Variants in ICE1 observed in about 807,000 individuals in gnomAD.
ICE1 encodes interactor of little elongation complex ELL subunit 1.
In ICE1, 64 loss-of-function variants were observed where a neutral mutation model predicts 192.7. That is an observed-to-expected ratio of 0.33 (90% confidence interval 0.27 to 0.41). The LOEUF (loss-of-function observed/expected upper bound fraction) is 0.41, where lower values mean the gene tolerates loss of function less well. Ranked by LOEUF, ICE1 falls within the 10% of genes least tolerant of loss-of-function variation. ICE1 has a pLI of 1.00. For missense variants in ICE1, 2,708 were observed against 2,696.0 expected, an observed-to-expected ratio of 1.00 and a Z score of -0.10; for synonymous variants, 1,010 against 984.5, an observed-to-expected ratio of 1.03 and a Z score of -0.49.
At chr5:5,466,304 A>C (rs1478930170) in intron 13 of ICE1, 30 bp from the exon 14 acceptor site, 6 of 1,571,254 alleles carry the variant, frequency 3.8e-6, no homozygotes, top group South Asian at 1.2e-5. Context: ...ATGAGTGTAC[A>C]TTGCCTTTTT....
chr5:5,444,103 T>C (rs188403183), intron 6 of ICE1, among the ~76,000 whole-genome samples, 186 bp from the exon 7 acceptor site: 19 of 152,316 alleles, frequency 1.2e-4, no homozygotes, highest in Non-Finnish European at 2.1e-4. Context: ...AAGAACAGAA[T>C]TTTTTAATCC....
rs544295645 is a variant in ICE1 at position 5,462,793 on chromosome 5, G to A, written c.3459G>A (p.Thr1153=). The A allele has an allele frequency of 7.1e-5, 115 of 1,613,270 alleles. 1 individual carries two copies. The South Asian group carries it at 1.1e-3, about 15-fold the overall frequency. ...CTTCCTTAGAGGTAGGTTATTTGACGTCAGCTCTGCAAGATTTTAACATAA... is the reference window on the plus strand; with the variant it reads ...CTTCCTTAGAGGTAGGTTATTTGACATCAGCTCTGCAAGATTTTAACATAA... ...VRPSLEVGYL[T]SALQDFNIST... Residue 1153 remains threonine, a synonymous_variant, in exon 13 of 19, where the codon ACG becomes ACA. Transcript: ENST00000296564.
chr5:5,426,124 C>T (rs765339473), intron 1 of ICE1, among the ~76,000 whole-genome samples: 4 of 152,136 alleles, frequency 2.6e-5, no homozygotes, highest in Non-Finnish European at 2.9e-5. Context: ...AATAGCAGGC[C>T]AGGTTAGATG....
chr5:5,480,249 CT>C (rs574170460), intron 17 of ICE1, among the ~76,000 whole-genome samples: 162 of 129,884 alleles, frequency 1.2e-3, no homozygotes, highest in Middle Eastern at 4.2e-3. Flanking sequence ...TTTTCTTTTT[CT>C]TTTTTTTTTT....
At chr5:5,448,562 T>G (rs1438671053) in intron 10 of ICE1, among the ~76,000 whole-genome samples, 1 of 152,258 alleles carries the variant, frequency 6.6e-6, no homozygotes, top group Non-Finnish European at 1.5e-5. Context: ...AATGGAAATA[T>G]GAATTTGAAT....
At chr5:5,452,381 C>T (rs562271813) in intron 10 of ICE1, among the ~76,000 whole-genome samples, 322 of 151,832 alleles carry the variant, frequency 2.1e-3, no homozygotes, top group African/African-American at 7.5e-3. Context: ...TACATTGTAC[C>T]GTTATTAACC....
At chr5:5,476,145 T>C in intron 17 of ICE1, 66 bp downstream of exon 17, 1 of 826,632 alleles carries the variant, frequency 1.2e-6, no homozygotes, top group Non-Finnish European at 1.9e-6. Context: ...GCTGGGGGGT[T>C]AACTGTATAA....
chr5:5,431,110 T>C (rs1436926650), intron 1 of ICE1, among the ~76,000 whole-genome samples: 2 of 152,188 alleles, frequency 1.3e-5, no homozygotes, highest in South Asian at 2.1e-4. Context: ...TGAATCTGAC[T>C]CTGTGACTCT....
At chr5:5,472,553 TG>T (rs1257900959) in intron 15 of ICE1, among the ~76,000 whole-genome samples, 3 of 152,206 alleles carry the variant, frequency 2.0e-5, no homozygotes, top group African/African-American at 4.8e-5. Flanking sequence ...TTTTTCTAAG[TG>T]GGAAATATTT....
At chr5:5,456,746 A>T (rs775052306) in intron 11 of ICE1, among the ~76,000 whole-genome samples, 3 of 152,188 alleles carry the variant, frequency 2.0e-5, no homozygotes, top group Non-Finnish European at 4.4e-5. Flanking sequence ...TATGGAATCA[A>T]ATGTTTTTGT....
intron 10 of ICE1, among the ~76,000 whole-genome samples, chr5:5,448,209 T>C (rs1305059941): frequency 6.6e-6 from 1 of 152,208 alleles, no homozygotes; most frequent in East Asian, 1.9e-4. Context: ...TTTATCAAAT[T>C]AATTTATTAA....
At chr5:5,447,645 C>A in intron 8 of ICE1, 76 bp from the exon 9 acceptor site, 1 of 1,424,420 alleles carries the variant, frequency 7.0e-7, no homozygotes, top group South Asian at 1.3e-5. Context: ...TGTTAAGTTG[C>A]ACCTGTTTTA....
At chr5:5,450,462 C>T (rs1579553812) in intron 10 of ICE1, among the ~76,000 whole-genome samples, 1 of 152,078 alleles carries the variant, frequency 6.6e-6, no homozygotes, top group Non-Finnish European at 1.5e-5. Flanking sequence ...TATGCGTCTC[C>T]TAGGACTTCT....
At chr5:5,427,380 G>A (rs1179736410) in intron 1 of ICE1, among the ~76,000 whole-genome samples, 1 of 152,348 alleles carries the variant, frequency 6.6e-6, no homozygotes, top group African/African-American at 2.4e-5. Flanking sequence ...AGTTGTGTGT[G>A]TTTAAGTCAA....
Position 5,462,215 on chromosome 5 carries a change from C to T in ICE1, c.2881C>T (p.Pro961Ser). The T allele has an allele frequency of 6.2e-7, 1 of 1,610,360 alleles. No individual in the cohort carries two copies. Among genetic ancestry groups the T allele is most frequent in the Non-Finnish European group, 8.5e-7 (1 of 1,177,738 alleles). ...CSTNSRLSFS[P>S]ENILIQNQDI... ...CACAAATAGCAGATTATCTTTCTCTCCTGAAAATATCCTCATCCAAAACCA... is the reference window on the plus strand; with the variant it reads ...CACAAATAGCAGATTATCTTTCTCTTCTGAAAATATCCTCATCCAAAACCA... Residue 961 changes from proline (P) to serine (S), a missense_variant, in exon 13 of 19, where the codon CCT (proline) becomes TCT (serine). Physicochemically the swap from Pro to Ser is moderately conservative, Grantham distance 74. This residue lies in a region of ICE1 where 2,366 missense variants were observed against 2,276.6 expected (regional missense o/e 1.04). Coordinates refer to ENST00000296564, the MANE Select transcript of ICE1 (RefSeq NM_015325.3).
At chr5:5,466,908 G>A (rs1266483843) in intron 14 of ICE1, among the ~76,000 whole-genome samples, 1 of 152,248 alleles carries the variant, frequency 6.6e-6, no homozygotes, top group Non-Finnish European at 1.5e-5. Flanking sequence ...GCTGAAAGGA[G>A]ACGGTGACAT....
In ICE1 at chr5:5,462,094, T is replaced by C; in HGVS notation, c.2760T>C (p.Ala920=). The stretch of plus-strand genomic sequence containing the variant: ...CACAAAACATCACGGAGGTGGCTGC[T>C]GTGAAAAGCATTTCACCAGAAGTTT... ...DTTQNITEVA[A]VKSISPEVSA... The change falls in exon 13 of 19, where the codon GCT becomes GCC. Residue 920 remains alanine (A), a synonymous_variant. Coordinates refer to ENST00000296564, the MANE Select transcript of ICE1 (RefSeq NM_015325.3). 6.2e-7 allele frequency: 1 copy of C among 1,613,854 alleles called. No individual in the cohort carries two copies. Among genetic ancestry groups the C allele is most frequent in the Non-Finnish European group, 8.5e-7 (1 of 1,179,798 alleles).
chr5:5,470,938 C>G (rs1008115483), intron 15 of ICE1, among the ~76,000 whole-genome samples: 27 of 152,128 alleles, frequency 1.8e-4, no homozygotes, highest in Non-Finnish European at 4.4e-5. Flanking sequence ...ATTAAAGTAT[C>G]TTAAATGTCT....
intron 10 of ICE1, among the ~76,000 whole-genome samples, chr5:5,454,303 C>T (rs1438833687): frequency 6.6e-6 from 1 of 152,078 alleles, no homozygotes; most frequent in Non-Finnish European, 1.5e-5. Context: ...CTTTTGAATC[C>T]CCTGCCTCTG....
Sources: gnomAD v4.1 joint callset for allele counts (sites outside exome capture counted in the v4.1 genomes callset) on GRCh38, gnomAD v4.1.1 for gene constraint, gnomAD v4.1.1 regional missense constraint, MANE v1.5 for transcripts, NCBI Gene and HGNC (gene_info 2026-07-23, HGNC 2026-07-21) for gene names.